Variants in FYB2 observed in about 807,000 individuals in gnomAD.
The protein encoded by FYB2 is FYN binding protein 2.
FYB2 carries 103 observed loss-of-function variants against 94.1 expected under a neutral mutation model. The ratio of observed to expected loss-of-function variants is 1.09; its 90% CI spans 0.93 to 1.29. The LOEUF (loss-of-function observed/expected upper bound fraction) is 1.29, where lower values mean the gene tolerates loss of function less well. Among genes scored for constraint, FYB2 ranks in the 50% most tolerant of loss-of-function variants. FYB2 has a pLI of 0.00. For missense variants in FYB2, 896 were observed against 841.5 expected (o/e 1.06, Z -0.80); for synonymous variants, 293 against 287.9 (o/e 1.02, Z -0.18).
Position 56,792,246 on chromosome 1 carries a change from T to C in FYB2, c.567A>G (p.Lys189=). 1 of 1,612,306 alleles carries C rather than the reference T, an allele frequency of 6.2e-7. No homozygotes were observed. Among genetic ancestry groups the C allele is most frequent in the South Asian group, 1.1e-5 (1 of 90,648 alleles). ...TCTGGGAAGGAAGAGTCTGGGCTCC[T>C]TTTGTTTCCAGCTTTTTCCTGGGTT... ...PEEPRKKLET[K]GAQTLPSQKH... The change falls in exon 2 of 20, where the codon AAA becomes AAG. Residue 189 remains lysine, a synonymous_variant. Transcript: ENST00000343433.
At chr1:56,802,158 C>G (rs930167944) in intron 1 of FYB2, among the ~76,000 whole-genome samples, 1 of 152,124 alleles carries the variant, frequency 6.6e-6, no homozygotes, top group Non-Finnish European at 1.5e-5. Flanking sequence ...GGCTTCTTCC[C>G]CATCTGGAAC....
rs1644538811 is a variant in FYB2, at chr1:56,724,062, T to A, written c.1881-381A>T. Among the ~76,000 whole-genome samples the A allele has an allele frequency of 2.8e-5, 4 of 144,558 alleles. No individual in the cohort carries two copies. In the South Asian group the frequency reaches 8.8e-4, roughly 32 times the overall value. The allele number at this position is 144,558 out of a possible 152,430, so 94.8% of individuals were successfully genotyped here. ...GAATGAGACTTAGAGATATAACTTT[T>A]TCTTTTTTTTAGGTTTAGGAAATTT... On this transcript the variant is annotated intron_variant, in intron 16 of 19. Coordinates refer to ENST00000343433, the MANE Select transcript of FYB2 (RefSeq NM_001004303.5).
intron 17 of FYB2, chr1:56,720,655 G>T: frequency 5.5e-6 from 1 of 182,216 alleles, no homozygotes; most frequent in Non-Finnish European, 1.1e-5. Context: ...AGGATGTGCA[G>T]GTTTGTTGCA....
chr1:56,823,598 G>C (rs1396269916), upstream of FYB2: 1 of 152,124 alleles, frequency 6.6e-6, no homozygotes, highest in East Asian at 1.9e-4. Flanking sequence ...GCTCATCTAA[G>C]TAAACATCTT....
intron 1 of FYB2, among the ~76,000 whole-genome samples, chr1:56,804,357 C>T (rs1443845373): frequency 2.0e-5 from 3 of 152,142 alleles, no homozygotes; most frequent in Non-Finnish European, 4.4e-5. Flanking sequence ...GAGTAATAAC[C>T]TCCTGAGGGG....
intron 1 of FYB2, among the ~76,000 whole-genome samples, chr1:56,796,452 C>A (rs1646399916): frequency 6.6e-6 from 1 of 152,292 alleles, no homozygotes; most frequent in Admixed American, 6.5e-5. Flanking sequence ...CCCTTCGATT[C>A]TTCCTCACTT....
At position 56,723,597 on chromosome 1, in the gene FYB2, T is replaced by C; in HGVS notation, c.1965A>G (p.Glu655=). 6.5e-7 allele frequency: 1 copy of C among 1,538,962 alleles called. No homozygotes were observed. Among genetic ancestry groups the C allele is most frequent in the Non-Finnish European group, 8.9e-7 (1 of 1,119,524 alleles). The change falls in exon 17 of 20, where the codon GAA becomes GAG. Residue 655 remains glutamate, a synonymous_variant. Transcript: ENST00000343433. ...TCAGAAGAGAACGTACCTTAAACCT[T>C]TCTCTAAATAGTTTTTCTTCTCTTT... ...RMKREEKLFR[E]RFKYDKEIIV...
At chr1:56,814,959 G>A (rs1646848485) in intron 1 of FYB2, among the ~76,000 whole-genome samples, 2 of 152,140 alleles carry the variant, frequency 1.3e-5, no homozygotes. Context: ...CAGAATGTCA[G>A]AGCATGACAA....
intron 4 of FYB2, among the ~76,000 whole-genome samples, 166 bp downstream of exon 4, chr1:56,787,009 T>A (rs556843625): frequency 1.3e-5 from 2 of 152,330 alleles, no homozygotes; most frequent in African/African-American, 4.8e-5. Context: ...TTATTTAATC[T>A]TTTCTTTACA....
chr1:56,769,038 T>G (rs924397115), intron 4 of FYB2, among the ~76,000 whole-genome samples: 10 of 151,954 alleles, frequency 6.6e-5, no homozygotes, highest in Non-Finnish European at 1.5e-4. Flanking sequence ...ATCATTAGTA[T>G]TATTATTATA....
At chr1:56,782,628 GCTTA>G (rs1397404455) in intron 4 of FYB2, among the ~76,000 whole-genome samples, 15 of 152,018 alleles carry the variant, frequency 9.9e-5, no homozygotes, top group African/African-American at 3.4e-4. Context: ...TTCAAAATAA[GCTTA>G]TCAGCTTTTA....
chr1:56,739,930 C>T (rs1310455045), intron 13 of FYB2, among the ~76,000 whole-genome samples: 1 of 151,978 alleles, frequency 6.6e-6, no homozygotes, highest in Non-Finnish European at 1.5e-5. Context: ...TGAGACACAA[C>T]CCCATCATAA....
intron 1 of FYB2, among the ~76,000 whole-genome samples, chr1:56,803,840 T>C (rs538283137): frequency 1.2e-4 from 18 of 152,188 alleles, no homozygotes; most frequent in Non-Finnish European, 2.4e-4. Flanking sequence ...GCACGAAATC[T>C]ACTGTCCAAA....
chr1:56,724,375 A>G (rs1217438181), intron 16 of FYB2, among the ~76,000 whole-genome samples: 1 of 152,080 alleles, frequency 6.6e-6, no homozygotes, highest in Non-Finnish European at 1.5e-5. Context: ...TTCACATGAG[A>G]TTTGGTTCTT....
At chr1:56,747,740 T>C (rs1645103064) in intron 9 of FYB2, among the ~76,000 whole-genome samples, 1 of 152,208 alleles carries the variant, frequency 6.6e-6, no homozygotes, top group African/African-American at 2.4e-5. Context: ...AGTAGAATTA[T>C]TTATAATCCT....
At chr1:56,788,034 T>A (rs1464205380) in intron 3 of FYB2, among the ~76,000 whole-genome samples, 1 of 152,196 alleles carries the variant, frequency 6.6e-6, no homozygotes, top group Non-Finnish European at 1.5e-5. Context: ...ACCAGCAGCC[T>A]CAGCAACCTC....
At chr1:56,798,941 T>G (rs1459984289) in intron 1 of FYB2, among the ~76,000 whole-genome samples, 1 of 152,214 alleles carries the variant, frequency 6.6e-6, no homozygotes, top group African/African-American at 2.4e-5. Flanking sequence ...TGGCTAATAA[T>G]TTTCTAGAAA....
chr1:56,778,715 T>C (rs1293028615), intron 4 of FYB2, among the ~76,000 whole-genome samples: 1 of 152,122 alleles, frequency 6.6e-6, no homozygotes, highest in Non-Finnish European at 1.5e-5. Context: ...CAGAATCATA[T>C]ATGAAATAGC....
Position 56,755,946 on chromosome 1 carries a change from A to G in FYB2, c.1099-19T>C, listed in dbSNP as rs201925451. On this transcript the variant is annotated intron_variant, in intron 6 of 19. Coordinates refer to ENST00000343433, the MANE Select transcript of FYB2 (RefSeq NM_001004303.5). Reference sequence around the variant, plus strand: ...TCCCAGGCTGAAAGTAAAGTGGAAAATGGTTATTTTCATAAATCAACCTGA... The same window carrying G: ...TCCCAGGCTGAAAGTAAAGTGGAAAGTGGTTATTTTCATAAATCAACCTGA... 397 of 1,606,516 alleles carry G rather than the reference A, an allele frequency of 2.5e-4. 5 individuals carry two copies. The Middle Eastern group carries it at 0.011, about 46-fold the overall frequency.
Sources: gnomAD v4.1 joint callset for allele counts (sites outside exome capture counted in the v4.1 genomes callset) on GRCh38, gnomAD v4.1.1 for gene constraint, MANE v1.5 for transcripts, NCBI Gene and HGNC (gene_info 2026-07-23, HGNC 2026-07-21) for gene names.